RORB: variants seen among roughly 807,000 people sequenced by gnomAD.
The protein encoded by RORB is nuclear receptor ROR-beta.
A neutral mutation model predicts 59.1 loss-of-function variants in RORB; 6 were observed. The ratio of observed to expected loss-of-function variants is 0.10; its 90% CI spans 0.06 to 0.20. RORB has a LOEUF of 0.20. Ranked by LOEUF, RORB falls within the 10% of genes least tolerant of loss-of-function variation. The pLI, the probability that RORB is intolerant of heterozygous loss-of-function variation, is 1.00. For synonymous variants in RORB, 215 were observed against 204.5 expected, an observed-to-expected ratio of 1.05 and a Z score of -0.44; for missense variants, 320 against 560.5, an observed-to-expected ratio of 0.57 and a Z score of 4.33.
At chr9:74,530,863 T>C (rs898224572) in intron 1 of RORB, among the ~76,000 whole-genome samples, 2 of 151,874 alleles carry the variant, frequency 1.3e-5, no homozygotes, top group African/African-American at 4.8e-5. Flanking sequence ...CCTAATGCTA[T>C]CCTTCCCCCT....
chr9:74,532,296 C>G (rs901435930), intron 1 of RORB, among the ~76,000 whole-genome samples: 1 of 151,894 alleles, frequency 6.6e-6, no homozygotes, highest in African/African-American at 2.4e-5. Context: ...CCAGCTCTCC[C>G]CACTTTTTCT....
rs531553377 is a variant in RORB at position 74,634,913 on chromosome 9, A to G, written c.235+141A>G. On this transcript the variant is annotated intron_variant, in intron 3 of 9. Transcript: ENST00000376896. ...AAAATCACTGTGCTGCTAGTGCATT[A>G]CAAGGAAAAGTAAGAATATACAAAA... 6.2e-5 allele frequency: 46 copies of G among 746,524 alleles called. No homozygotes were observed. The South Asian group carries it at 9.2e-4, about 15-fold the overall frequency. 46.2% of individuals were successfully genotyped at this position (746,524 alleles called of 1,614,324 possible).
rs1824708149 is a variant in RORB, at chr9:74,689,605, A to C, written c.*3987A>C. ...GGTAGATTCCAAGAGATCTTAAATC[A>C]TAATAAACTCTGAATATTAACAAGA... On this transcript the variant is annotated 3_prime_UTR_variant, in exon 10 of 10. Coordinates refer to ENST00000376896, the MANE Select transcript of RORB (RefSeq NM_006914.4). 1 of 152,232 alleles carries C rather than the reference A, an allele frequency of 6.6e-6. No individual in the cohort carries two copies. Among genetic ancestry groups the C allele is most frequent in the Non-Finnish European group, 1.5e-5 (1 of 68,050 alleles). 9.4% of individuals were successfully genotyped at this position (152,232 alleles called of 1,614,324 possible).
At chr9:74,502,879 G>T (rs1563922663) in intron 1 of RORB, among the ~76,000 whole-genome samples, 1 of 151,852 alleles carries the variant, frequency 6.6e-6, no homozygotes, top group Non-Finnish European at 1.5e-5. Context: ...AGTGATTGAG[G>T]TGACATTTTA....
Position 74,497,630 on chromosome 9 carries a change from T to C in RORB, c.-347T>C. ...TCTTCTGAGCCGGAGGCGGTGGCAT[T>C]TTTTAAAAAGCAAGCACATTGGAGA... is the stretch of plus-strand genomic sequence containing the variant. On this transcript the variant is annotated 5_prime_UTR_variant, in exon 1 of 10. Transcript: ENST00000376896. The C allele has an allele frequency of 2.8e-6, 1 of 353,320 alleles. No individual in the cohort carries two copies. The highest frequency in any genetic ancestry group is 5.2e-6 in the Non-Finnish European group (1 of 193,912). 21.9% of individuals were successfully genotyped at this position (353,320 alleles called of 1,614,324 possible).
chr9:74,628,614 T>C (rs1485141924), intron 1 of RORB, among the ~76,000 whole-genome samples: 1 of 152,238 alleles, frequency 6.6e-6, no homozygotes, highest in African/African-American at 2.4e-5. Flanking sequence ...GTATTGTCTT[T>C]TTTAAAAAAT....
At chr9:74,671,665 A>T in intron 8 of RORB, 124 bp from the exon 9 acceptor site, 1 of 528,654 alleles carries the variant, frequency 1.9e-6, no homozygotes, top group East Asian at 3.1e-5. Context: ...AAATAATGAC[A>T]TGTCTTCAGA....
At chr9:74,679,277 T>C (rs1429919974) in intron 9 of RORB, among the ~76,000 whole-genome samples, 1 of 152,148 alleles carries the variant, frequency 6.6e-6, no homozygotes, top group African/African-American at 2.4e-5. Flanking sequence ...TACTTTAAAA[T>C]GTCTATACTT....
At chr9:74,623,637 G>A (rs1266093717) in intron 1 of RORB, among the ~76,000 whole-genome samples, 3 of 152,102 alleles carry the variant, frequency 2.0e-5, no homozygotes, top group African/African-American at 7.2e-5. Flanking sequence ...TCGAATGCTA[G>A]CCTCAGGATC....
Position 74,642,570 on chromosome 9 carries a change from G to A in RORB, c.392G>A (p.Ser131Asn). 1 of 1,614,218 alleles carries A rather than the reference G, an allele frequency of 6.2e-7. No individual in the cohort carries two copies. The highest frequency in any genetic ancestry group is 8.5e-7 in the Non-Finnish European group (1 of 1,180,038). ...VYSSSISNGL[S>N]NLNNETSGTY... ...AGCAGCAGCATTAGCAACGGCCTGAGCAACCTGAACAACGAGACCAGCGGC... is the reference window on the plus strand; with the variant it reads ...AGCAGCAGCATTAGCAACGGCCTGAACAACCTGAACAACGAGACCAGCGGC... Residue 131 changes from serine to asparagine, a missense_variant, in exon 4 of 10, where the codon AGC becomes AAC. Coordinates refer to ENST00000376896, the MANE Select transcript of RORB (RefSeq NM_006914.4).
chr9:74,632,563 G>T (rs573271074), intron 2 of RORB, among the ~76,000 whole-genome samples: 1 of 152,028 alleles, frequency 6.6e-6, no homozygotes, highest in Non-Finnish European at 1.5e-5. Context: ...AATTTGGAAC[G>T]CAATCCCTTT....
intron 4 of RORB, among the ~76,000 whole-genome samples, chr9:74,645,480 C>T (rs1823880335): frequency 6.6e-6 from 1 of 152,120 alleles, no homozygotes; most frequent in Non-Finnish European, 1.5e-5. Context: ...TTCTCTGAGT[C>T]TCAGTTGTTA....
intron 1 of RORB, among the ~76,000 whole-genome samples, chr9:74,597,697 G>T (rs965297436): frequency 6.6e-5 from 10 of 152,166 alleles, no homozygotes; most frequent in African/African-American, 2.4e-4. Flanking sequence ...GGTGGCTCAT[G>T]CCTGTAATCC....
chr9:74,563,818 A>G (rs997164951), intron 1 of RORB, among the ~76,000 whole-genome samples: 2 of 152,208 alleles, frequency 1.3e-5, no homozygotes, highest in African/African-American at 4.8e-5. Flanking sequence ...AGCAAGTCTT[A>G]GAGGGATGCA....
At chr9:74,534,192 A>G (rs1316098638) in intron 1 of RORB, among the ~76,000 whole-genome samples, 1 of 151,942 alleles carries the variant, frequency 6.6e-6, no homozygotes, top group East Asian at 1.9e-4. Context: ...GCCTTTTAGC[A>G]CTCCCTTAAG....
chr9:74,535,332 C>T (rs1327844361), intron 1 of RORB, among the ~76,000 whole-genome samples: 2 of 151,848 alleles, frequency 1.3e-5, no homozygotes, highest in Admixed American at 1.3e-4. Flanking sequence ...TCTTTTTTCC[C>T]ACCTTCTTCT....
chr9:74,657,228 A>G (rs773721739), intron 4 of RORB, among the ~76,000 whole-genome samples: 1 of 151,656 alleles, frequency 6.6e-6, no homozygotes, highest in Non-Finnish European at 1.5e-5. Context: ...TTATTTATTT[A>G]TTTATTTATT....
Position 74,565,102 on chromosome 9 carries a change from A to G in RORB, c.8-65180A>G, listed in dbSNP as rs1822449716. 2.0e-5 allele frequency among the ~76,000 whole-genome samples: 3 copies of G among 152,318 alleles called. No individual in the cohort carries two copies. In the South Asian group the frequency reaches 6.2e-4, roughly 32 times the overall value. ...TTTAAATTTCCTATTGTGTTGTTAC[A>G]TCTCTGTCAGTGGTGGTTCCTATTA... On this transcript the variant is annotated intron_variant, in intron 1 of 9. Transcript: ENST00000376896.
chr9:74,658,926 C>A (rs1442337996), intron 4 of RORB, among the ~76,000 whole-genome samples: 2 of 152,152 alleles, frequency 1.3e-5, no homozygotes, highest in East Asian at 3.8e-4. Context: ...TAGAGTAGAG[C>A]TATCATCAGA....
Sources: allele counts gnomAD v4.1 joint callset (sites outside exome capture counted in the v4.1 genomes callset), GRCh38; gene constraint gnomAD v4.1.1; transcripts MANE v1.5; gene names NCBI Gene and HGNC (gene_info 2026-07-23, HGNC 2026-07-21).